The following RIT2 variants were observed in gnomAD, a reference collection of about 807,000 sequenced individuals.
RIT2 encodes the protein Ras like without CAAX 2, also known as GTP-binding protein Rit2.
RIT2 carries 24 observed loss-of-function variants against 23.7 expected under a neutral mutation model. The observed-to-expected ratio is 1.01, with a 90% CI of 0.73 to 1.43. The LOEUF (loss-of-function observed/expected upper bound fraction) is 1.43, where lower values mean the gene tolerates loss of function less well. Ranked by LOEUF, RIT2 falls within the 40% of genes most tolerant of loss-of-function variation. The probability of loss-of-function intolerance (pLI) is 0.00; values close to 1 mark genes in which losing one functional copy is unlikely to be tolerated. For synonymous variants in RIT2, 107 were observed against 91.1 expected (o/e 1.17, Z -0.99); for missense variants, 236 against 266.9 (o/e 0.88, Z 0.81).
At chr18:42,831,564 CG>C (rs1416996544) in intron 4 of RIT2, among the ~76,000 whole-genome samples, 1 of 151,908 alleles carries the variant, frequency 6.6e-6, no homozygotes, top group Non-Finnish European at 1.5e-5. Context: ...GGGTTGGACA[CG>C]GGGCTTGTTT....
chr18:42,823,448 G>A (rs1390894940), intron 4 of RIT2, among the ~76,000 whole-genome samples: 1 of 152,126 alleles, frequency 6.6e-6, no homozygotes, highest in Non-Finnish European at 1.5e-5. Context: ...ACTTGGTGCA[G>A]AGAACTTTGA....
rs143420961 is a variant in RIT2 at position 42,948,099 on chromosome 18, G to A, written c.235-24336C>T. On this transcript the variant is annotated intron_variant, in intron 3 of 4. Coordinates refer to ENST00000326695, the MANE Select transcript of RIT2 (RefSeq NM_002930.4). Reference sequence around the variant, plus strand: ...AGTATGATACACCATACCTCCTACCGTTCTAAATGTGGCACATATAATATG... The same window carrying A: ...AGTATGATACACCATACCTCCTACCATTCTAAATGTGGCACATATAATATG... Among the ~76,000 whole-genome samples, 1,154 of 152,034 alleles carry A rather than the reference G, an allele frequency of 7.6e-3. 10 individuals carry two copies. The highest frequency in any genetic ancestry group is 0.026 in the African/African-American group (1,080 of 41,474).
intron 2 of RIT2, among the ~76,000 whole-genome samples, chr18:43,029,603 T>C (rs1205201432): frequency 6.6e-6 from 1 of 151,956 alleles, no homozygotes; most frequent in Non-Finnish European, 1.5e-5. Flanking sequence ...CAAGGAGATA[T>C]GATCAGCTCT....
intron 1 of RIT2, among the ~76,000 whole-genome samples, chr18:43,060,511 G>A (rs768037603): frequency 1.7e-4 from 26 of 152,110 alleles, no homozygotes; most frequent in Non-Finnish European, 2.9e-4. Context: ...GAGAGAATTA[G>A]CTATGCCTTC....
chr18:42,746,291 A>G (rs1451625768), intron 4 of RIT2, among the ~76,000 whole-genome samples: 2 of 152,122 alleles, frequency 1.3e-5, no homozygotes, highest in African/African-American at 4.8e-5. Flanking sequence ...TTAAAAGAAT[A>G]ATTCAACTGA....
intron 3 of RIT2, among the ~76,000 whole-genome samples, chr18:42,972,057 C>T (rs1910373319): frequency 6.6e-6 from 1 of 151,906 alleles, no homozygotes; most frequent in African/African-American, 2.4e-5. Flanking sequence ...TCCAACAACA[C>T]AAATTTGCTA....
intron 1 of RIT2, among the ~76,000 whole-genome samples, chr18:43,089,110 A>G (rs1913356634): frequency 1.3e-5 from 2 of 152,088 alleles, no homozygotes; most frequent in African/African-American, 4.8e-5. Flanking sequence ...GGCCAGGGCA[A>G]TCAGGCAAGA....
chr18:43,003,585 T>C (rs554635703), intron 2 of RIT2, among the ~76,000 whole-genome samples: 2 of 151,998 alleles, frequency 1.3e-5, no homozygotes, highest in South Asian at 4.1e-4. Flanking sequence ...TTCTATTTAA[T>C]TGACTCTGGT....
At chr18:42,756,788 T>C (rs1913173707) in intron 4 of RIT2, among the ~76,000 whole-genome samples, 1 of 152,104 alleles carries the variant, frequency 6.6e-6, no homozygotes, top group Admixed American at 6.5e-5. Context: ...TTATTGTGAA[T>C]AGCTAAATTT....
intron 2 of RIT2, among the ~76,000 whole-genome samples, chr18:43,004,797 G>C (rs1264536194): frequency 6.6e-6 from 1 of 151,740 alleles, no homozygotes; most frequent in East Asian, 1.9e-4. Flanking sequence ...TTCACATTGT[G>C]CTTCTTATTG....
At chr18:43,063,080 G>C (rs1324458932) in intron 1 of RIT2, among the ~76,000 whole-genome samples, 1 of 152,138 alleles carries the variant, frequency 6.6e-6, no homozygotes, top group East Asian at 1.9e-4. Context: ...CAACAGAACA[G>C]ATTTAGATCA....
intron 4 of RIT2, among the ~76,000 whole-genome samples, chr18:42,806,862 T>A (rs1040398161): frequency 6.6e-6 from 1 of 152,208 alleles, no homozygotes; most frequent in South Asian, 2.1e-4. Context: ...GCTGAGTCCA[T>A]ACTTAAGCAA....
chr18:42,930,364 A>T lies in RIT2; in HGVS notation c.235-6601T>A, dbSNP rs140900942. Among the ~76,000 whole-genome samples the T allele has an allele frequency of 4.2e-3, 643 of 152,084 alleles. 8 individuals are homozygous for T. Among genetic ancestry groups the T allele is most frequent in the African/African-American group, 0.015 (606 of 41,464 alleles). Reference sequence around the variant, plus strand: ...AAAAGGGGGGAAATCCTTGAATGAGAGGTCACAATAAAAAAAAATGAAGAG... The same window carrying T: ...AAAAGGGGGGAAATCCTTGAATGAGTGGTCACAATAAAAAAAAATGAAGAG... On this transcript the variant is annotated intron_variant, in intron 3 of 4. Transcript: ENST00000326695.
chr18:42,785,655 G>A (rs982710398), intron 4 of RIT2, among the ~76,000 whole-genome samples: 6 of 152,118 alleles, frequency 3.9e-5, no homozygotes, highest in South Asian at 2.1e-4. Flanking sequence ...TTGAGCATAT[G>A]TGGAACTCAT....
At chr18:43,041,729 A>G (rs1375847133) in intron 1 of RIT2, among the ~76,000 whole-genome samples, 1 of 152,114 alleles carries the variant, frequency 6.6e-6, no homozygotes, top group East Asian at 1.9e-4. Context: ...CCCATAATTT[A>G]CTATTTCATT....
chr18:42,998,029 T>C (rs1177364730), intron 2 of RIT2, among the ~76,000 whole-genome samples: 3 of 152,158 alleles, frequency 2.0e-5, no homozygotes, highest in East Asian at 3.9e-4. Flanking sequence ...AAGGCTCTGA[T>C]AGTTTCACCA....
intron 4 of RIT2, among the ~76,000 whole-genome samples, chr18:42,828,570 G>A (rs981779870): frequency 3.3e-5 from 5 of 152,186 alleles, no homozygotes; most frequent in Admixed American, 6.5e-5. Context: ...AGTTGGTTGA[G>A]TTAATATAAG....
At chr18:42,968,497 G>A (rs1163980435) in intron 3 of RIT2, among the ~76,000 whole-genome samples, 1 of 152,134 alleles carries the variant, frequency 6.6e-6, no homozygotes, top group Non-Finnish European at 1.5e-5. Context: ...CAAGATCAAA[G>A]GGTATGCTTA....
intron 4 of RIT2, among the ~76,000 whole-genome samples, chr18:42,918,297 A>G (rs766092640): frequency 6.1e-4 from 93 of 152,278 alleles, no homozygotes; most frequent in South Asian, 1.5e-3. Context: ...TCCAGTTTGG[A>G]TAAATCATGT....
Sources: allele counts gnomAD v4.1 joint callset (sites outside exome capture counted in the v4.1 genomes callset), GRCh38; gene constraint gnomAD v4.1.1; transcripts MANE v1.5; gene names NCBI Gene and HGNC (gene_info 2026-07-23, HGNC 2026-07-21).